The following FARP2 variants were observed in gnomAD, a reference collection of about 807,000 sequenced individuals.
FARP2 encodes the protein FERM, ARHGEF and pleckstrin domain-containing protein 2.
In FARP2, 111 loss-of-function variants were observed where a neutral mutation model predicts 130.5. That is an observed-to-expected ratio of 0.85 (90% CI 0.73 to 1.00). The LOEUF (loss-of-function observed/expected upper bound fraction) is 1.00. Ranked by LOEUF, FARP2 falls within the 50% of genes least tolerant of loss-of-function variation. The probability of loss-of-function intolerance (pLI) is 0.00; values close to 1 mark genes in which losing one functional copy is unlikely to be tolerated. For synonymous variants in FARP2, 504 were observed against 516.9 expected (o/e 0.98, Z 0.34); for missense variants, 1,385 against 1,346.3 (o/e 1.03, Z -0.45).
At chr2:241,452,995 T>G (rs543367228) in intron 13 of FARP2, among the ~76,000 whole-genome samples, 1 of 151,648 alleles carries the variant, frequency 6.6e-6, no homozygotes, top group African/African-American at 2.4e-5. Flanking sequence ...TTTTAATGTA[T>G]CCACTAAGTT....
chr2:241,456,989 G>C lies in FARP2; in HGVS notation c.1587+67G>C, dbSNP rs902671041. 6 of 1,409,160 alleles carry C rather than the reference G, an allele frequency of 4.3e-6. No homozygotes were observed. In the African/African-American group the frequency reaches 4.3e-5, roughly 10 times the overall value. The allele number at this position is 1,409,160 out of a possible 1,614,324, so 87.3% of individuals were successfully genotyped here. A position where few individuals can be genotyped will look rare whatever the true frequency, so the allele number is the denominator to read the frequency against. On this transcript the variant is annotated intron_variant, in intron 14 of 26. Coordinates refer to ENST00000264042, the MANE Select transcript of FARP2 (RefSeq NM_014808.4). The stretch of plus-strand genomic sequence containing the variant: ...GTGGGCCTGTTTTCACTGTTCCTTC[G>C]GGTGGTGCTGGTGGGGACCCTGGGG...
chr2:241,407,598 A>G lies in FARP2; in HGVS notation c.393A>G (p.Leu131=), dbSNP rs761827169. 1 of 1,613,776 alleles carries G rather than the reference A, an allele frequency of 6.2e-7. No individual in the cohort carries two copies. The highest frequency in any genetic ancestry group is 8.5e-7 in the Non-Finnish European group (1 of 1,179,672). ...VKFFPPDPGQ[L]QEEYTRYLFA... ...TTTTTCCACCTGATCCTGGTCAGCT[A>G]CAAGAAGAATATACAAGGTAAAGAG... The change falls in exon 5 of 27, where the codon CTA becomes CTG. Residue 131 remains leucine (L), a synonymous_variant. Coordinates refer to ENST00000264042, the MANE Select transcript of FARP2 (RefSeq NM_014808.4).
intron 6 of FARP2, among the ~76,000 whole-genome samples, chr2:241,412,630 C>G (rs115704928): frequency 1.7e-3 from 261 of 152,118 alleles, no homozygotes; most frequent in African/African-American, 6.1e-3. Flanking sequence ...TTGAGAAGGT[C>G]TGAAGGAAAA....
chr2:241,484,993 G>T (rs1476938149), intron 21 of FARP2, among the ~76,000 whole-genome samples: 1 of 152,086 alleles, frequency 6.6e-6, no homozygotes, highest in African/African-American at 2.4e-5. Flanking sequence ...CTCTCCCCAT[G>T]GGCCTGCCAG....
At chr2:241,388,718 C>G (rs2061843236) in intron 2 of FARP2, among the ~76,000 whole-genome samples, 1 of 152,122 alleles carries the variant, frequency 6.6e-6, no homozygotes, top group African/African-American at 2.4e-5. Flanking sequence ...GTCCTAGTTA[C>G]TTGGGAGGCA....
intron 16 of FARP2, 165 bp from the exon 17 acceptor site, chr2:241,463,734 T>C: frequency 2.9e-6 from 2 of 690,238 alleles, no homozygotes; most frequent in Non-Finnish European, 4.9e-6. Context: ...AGACACATAA[T>C]AGCAGCTTCC....
intron 2 of FARP2, among the ~76,000 whole-genome samples, chr2:241,373,776 A>G (rs2061476502): frequency 1.3e-5 from 2 of 152,248 alleles, no homozygotes; most frequent in Non-Finnish European, 2.9e-5. Context: ...GAGGTGTTGT[A>G]TGGTGTTAAC....
chr2:241,377,333 C>CTTTT (rs1258121395), intron 2 of FARP2, among the ~76,000 whole-genome samples: 4 of 129,720 alleles, frequency 3.1e-5, no homozygotes, highest in Admixed American at 7.9e-5. Context: ...TTGTTGGTTT[C>CTTTT]TTTTTTTTTT....
chr2:241,439,503 G>A (rs973367194), intron 12 of FARP2, among the ~76,000 whole-genome samples: 1 of 151,926 alleles, frequency 6.6e-6, no homozygotes, highest in African/African-American at 2.4e-5. Flanking sequence ...CTGATTTTTT[G>A]TATTTTTTGG....
intron 13 of FARP2, among the ~76,000 whole-genome samples, chr2:241,455,948 C>T (rs1029282269): frequency 2.6e-5 from 4 of 151,794 alleles, no homozygotes; most frequent in African/African-American, 9.6e-5. Flanking sequence ...ACCGTGTTAG[C>T]GAGGTAAAGT....
chr2:241,380,686 A>G (rs1432043887), intron 2 of FARP2, among the ~76,000 whole-genome samples: 2 of 142,516 alleles, frequency 1.4e-5, no homozygotes, highest in Non-Finnish European at 3.1e-5. Context: ...ATATTATAAT[A>G]ATAATATATT....
At chr2:241,477,123 CTTTTTT>C (rs71406462) in intron 19 of FARP2, among the ~76,000 whole-genome samples, 2 of 122,648 alleles carry the variant, frequency 1.6e-5, no homozygotes, top group African/African-American at 3.1e-5. Context: ...ATTCATGTTC[CTTTTTT>C]TTTTTTTTTT....
At chr2:241,377,621 G>A (rs2061569076) in intron 2 of FARP2, among the ~76,000 whole-genome samples, 1 of 152,168 alleles carries the variant, frequency 6.6e-6, no homozygotes, top group Non-Finnish European at 1.5e-5. Context: ...GGGATTACAG[G>A]CGTGAGCCAC....
At chr2:241,478,147 A>T (rs1181529631) in intron 19 of FARP2, among the ~76,000 whole-genome samples, 1 of 152,128 alleles carries the variant, frequency 6.6e-6, no homozygotes, top group African/African-American at 2.4e-5. Flanking sequence ...CTAAGAAACT[A>T]TTGTCAGCCA....
intron 13 of FARP2, among the ~76,000 whole-genome samples, chr2:241,455,735 CTTTTTTTTTTTT>C (rs1180839402): frequency 6.3e-5 from 6 of 94,778 alleles, no homozygotes; most frequent in African/African-American, 2.3e-4. Context: ...CTAAAGTTTT[CTTTTTTTTTTTT>C]TTTTTTTTTT....
At chr2:241,487,666 C>CG (rs2064787661) in intron 21 of FARP2, among the ~76,000 whole-genome samples, 1 of 115,380 alleles carries the variant, frequency 8.7e-6, no homozygotes, top group Non-Finnish European at 1.7e-5. Flanking sequence ...GACTCCCTCT[C>CG]AAAAAAAAAA....
chr2:241,453,486 G>A (rs1169289405), intron 13 of FARP2, among the ~76,000 whole-genome samples: 5 of 151,786 alleles, frequency 3.3e-5, no homozygotes, highest in Admixed American at 2.6e-4. Flanking sequence ...GCCAGGCATG[G>A]TGGTGGGAGC....
intron 13 of FARP2, chr2:241,444,828 A>G (rs2063475912): frequency 6.6e-6 from 1 of 152,196 alleles, no homozygotes; most frequent in Non-Finnish European, 1.5e-5. Flanking sequence ...GCAGGAATGT[A>G]AGGAACCCGC....
chr2:241,366,841 G>T (rs1245520036), intron 1 of FARP2, among the ~76,000 whole-genome samples: 1 of 152,068 alleles, frequency 6.6e-6, no homozygotes, highest in East Asian at 1.9e-4. Context: ...GGCTGGGAGT[G>T]GTGCCGTGAC....
Sources: allele counts gnomAD v4.1 joint callset (sites outside exome capture counted in the v4.1 genomes callset), GRCh38; gene constraint gnomAD v4.1.1; transcripts MANE v1.5; gene names NCBI Gene and HGNC (gene_info 2026-07-23, HGNC 2026-07-21).